KANK1: variants seen among roughly 807,000 people sequenced by gnomAD.
KANK1 encodes KN motif and ankyrin repeat domain-containing protein 1.
KANK1 carries 109 observed loss-of-function variants against 106.2 expected under a neutral mutation model. That is an observed-to-expected ratio of 1.03 (90% CI 0.88 to 1.20). The LOEUF (loss-of-function observed/expected upper bound fraction) is 1.20. Ranked by LOEUF, KANK1 falls within the 50% of genes most tolerant of loss-of-function variation. KANK1 has a pLI of 0.00. For missense variants in KANK1, 2,399 were observed against 1,710.7 expected (o/e 1.40, Z -7.10); for synonymous variants, 873 against 652.2 (o/e 1.34, Z -5.16).
intron 3 of KANK1, among the ~76,000 whole-genome samples, chr9:726,041 C>T (rs1040027243): frequency 6.6e-6 from 1 of 152,158 alleles, no homozygotes; most frequent in African/African-American, 2.4e-5. Context: ...AATGGGTTTC[C>T]TGTATATCCT....
chr9:599,687 A>G (rs1333793825), intron 1 of KANK1, among the ~76,000 whole-genome samples: 1 of 151,802 alleles, frequency 6.6e-6, no homozygotes, highest in Non-Finnish European at 1.5e-5. Context: ...TTATGCAGAT[A>G]TTTTCAACCC....
At chr9:514,677 C>G (rs145883972) in intron 1 of KANK1, among the ~76,000 whole-genome samples, 16 of 151,752 alleles carry the variant, frequency 1.1e-4, no homozygotes, top group African/African-American at 3.9e-4. Context: ...TGTGAATATA[C>G]TGCTGTTCAT....
intron 1 of KANK1, among the ~76,000 whole-genome samples, chr9:533,263 T>C (rs991505048): frequency 2.6e-5 from 4 of 152,240 alleles, no homozygotes; most frequent in African/African-American, 4.8e-5. Context: ...CTAATCACTG[T>C]ATATCGTAGA....
chr9:529,220 A>AT (rs1554613744), intron 1 of KANK1, among the ~76,000 whole-genome samples: 27 of 144,266 alleles, frequency 1.9e-4, no homozygotes, highest in African/African-American at 5.7e-4. Flanking sequence ...TAACTCTGTT[A>AT]ATATATATAT....
chr9:541,944 C>T (rs2060627233), intron 1 of KANK1, among the ~76,000 whole-genome samples: 1 of 151,194 alleles, frequency 6.6e-6, no homozygotes, highest in Non-Finnish European at 1.5e-5. Flanking sequence ...AAAAAATTAG[C>T]CGGGCGTGGT....
chr9:528,904 A>G (rs867050645), intron 1 of KANK1, among the ~76,000 whole-genome samples: 23 of 152,066 alleles, frequency 1.5e-4, no homozygotes, highest in Non-Finnish European at 2.5e-4. Context: ...GGCTTAAGCA[A>G]TCATCCCACC....
chr9:695,059 G>GT (rs1440245790), intron 2 of KANK1, among the ~76,000 whole-genome samples: 1 of 152,176 alleles, frequency 6.6e-6, no homozygotes, highest in Admixed American at 6.5e-5. Flanking sequence ...TCACTGCATT[G>GT]TATGATTCCA....
chr9:590,466 C>A (rs1824574808), intron 1 of KANK1, among the ~76,000 whole-genome samples: 1 of 151,886 alleles, frequency 6.6e-6, no homozygotes, highest in Non-Finnish European at 1.5e-5. Flanking sequence ...TTTTATGGTG[C>A]TTTAGATATA....
At chr9:609,325 C>T (rs776713851) in intron 1 of KANK1, among the ~76,000 whole-genome samples, 2 of 152,126 alleles carry the variant, frequency 1.3e-5, no homozygotes, top group Non-Finnish European at 2.9e-5. Flanking sequence ...AGCTACAAGT[C>T]CTTTTTAAAT....
At chr9:627,172 T>C (rs1398043487) in intron 1 of KANK1, among the ~76,000 whole-genome samples, 3 of 152,152 alleles carry the variant, frequency 2.0e-5, no homozygotes, top group Non-Finnish European at 4.4e-5. Context: ...GTGCCCTAGA[T>C]CCTCCTGTCC....
chr9:553,156 T>C (rs907897568), intron 1 of KANK1, among the ~76,000 whole-genome samples: 10 of 152,106 alleles, frequency 6.6e-5, no homozygotes, highest in African/African-American at 2.4e-4. Context: ...TCAAAAAGAA[T>C]GCAATTGTAA....
chr9:745,550 G>T lies in KANK1; in HGVS notation c.*315G>T, dbSNP rs966339636. The T allele has an allele frequency of 1.9e-5, 4 of 214,276 alleles. No individual in the cohort carries two copies. Among genetic ancestry groups the T allele is most frequent in the Non-Finnish European group, 2.8e-5 (3 of 108,968 alleles). 13.3% of individuals were successfully genotyped at this position (214,276 alleles called of 1,614,324 possible). On this transcript the variant is annotated 3_prime_UTR_variant, in exon 12 of 12. Transcript: ENST00000382297. Reference sequence around the variant, plus strand: ...ACCTTCTGTTCACTCCCACAAAGTGGTGTCTGGTTCTCACTGAGACGTTTT... The same window carrying T: ...ACCTTCTGTTCACTCCCACAAAGTGTTGTCTGGTTCTCACTGAGACGTTTT...
chr9:550,065 G>A (rs1215431263), intron 1 of KANK1, among the ~76,000 whole-genome samples: 1 of 152,106 alleles, frequency 6.6e-6, no homozygotes, highest in Admixed American at 6.5e-5. Flanking sequence ...TTCTCGTGAG[G>A]AATGTCAGCA....
chr9:652,953 G>C (rs111666969), intron 1 of KANK1, among the ~76,000 whole-genome samples: 1 of 152,218 alleles, frequency 6.6e-6, no homozygotes, highest in African/African-American at 2.4e-5. Context: ...TTCAGCATCT[G>C]TTCCGGCGTT....
intron 1 of KANK1, among the ~76,000 whole-genome samples, chr9:528,740 G>C (rs172163): frequency 6.6e-6 from 1 of 151,792 alleles, no homozygotes; most frequent in Non-Finnish European, 1.5e-5. Flanking sequence ...CAGCCGCCTC[G>C]GCCTCCCAAA....
chr9:688,499 G>A (rs1417892344), intron 2 of KANK1, among the ~76,000 whole-genome samples: 3 of 152,018 alleles, frequency 2.0e-5, no homozygotes, highest in African/African-American at 7.3e-5. Flanking sequence ...CCAACTACTT[G>A]GGAGGCTGAG....
chr9:645,126 C>CAA (rs56391632), intron 1 of KANK1, among the ~76,000 whole-genome samples: 9,528 of 70,968 alleles, frequency 0.13, 1,483 homozygotes, highest in African/African-American at 0.32. Flanking sequence ...TCCATCTCTA[C>CAA]AAAAAAAAAA....
At chr9:607,921 T>G (rs1829632151) in intron 1 of KANK1, among the ~76,000 whole-genome samples, 1 of 151,388 alleles carries the variant, frequency 6.6e-6, no homozygotes, top group African/African-American at 2.4e-5. Context: ...TAATGTTCAT[T>G]TTTCCTTGTG....
intron 1 of KANK1, among the ~76,000 whole-genome samples, chr9:656,104 G>T (rs941281788): frequency 1.3e-5 from 2 of 152,182 alleles, no homozygotes; most frequent in Non-Finnish European, 2.9e-5. Flanking sequence ...GGCTCTGGGA[G>T]CCAGTCTTCT....
Sources: gnomAD v4.1 joint callset for allele counts (sites outside exome capture counted in the v4.1 genomes callset) on GRCh38, gnomAD v4.1.1 for gene constraint, MANE v1.5 for transcripts, NCBI Gene and HGNC (gene_info 2026-07-23, HGNC 2026-07-21) for gene names.